Variants in ERC2 observed in about 807,000 individuals in gnomAD.
The protein encoded by ERC2 is ELKS/RAB6-interacting/CAST family member 2.
ERC2 carries 42 observed loss-of-function variants against 114.8 expected under a neutral mutation model. That is an observed-to-expected ratio of 0.37 (90% CI 0.29 to 0.47). ERC2 has a LOEUF of 0.47. ERC2 is among the 20% of genes least tolerant of loss of function. The probability of loss-of-function intolerance (pLI) is 0.99; values close to 1 mark genes in which losing one functional copy is unlikely to be tolerated. For missense variants in ERC2, 939 were observed against 1,150.7 expected (o/e 0.82, Z 2.66); for synonymous variants, 454 against 425.5 (o/e 1.07, Z -0.82).
chr3:55,553,011 ATT>A lies in ERC2; in HGVS notation c.*40-41737_*40-41736del, dbSNP rs66602607. ...GTCGTTATTATTGTGGGGCTTCCAG[ATT>A]TTTTTTTTTTTTTTTTTTTTTTTTT... On this transcript the variant is annotated intron_variant, in intron 17 of 17. Transcript: ENST00000288221. 3.3e-4 allele frequency among the ~76,000 whole-genome samples: 18 copies of A among 55,222 alleles called. No homozygotes were observed. The South Asian group carries it at 3.6e-3, about 11-fold the overall frequency. The allele number at this position is 55,222 out of a possible 152,430, so 36.2% of individuals were successfully genotyped here.
intron 11 of ERC2, among the ~76,000 whole-genome samples, chr3:55,989,271 T>C (rs147652810): frequency 3.6e-4 from 55 of 152,356 alleles, no homozygotes; most frequent in African/African-American, 1.3e-3. Context: ...ATGCATTCCA[T>C]ATTGAAGAAA....
intron 17 of ERC2, among the ~76,000 whole-genome samples, chr3:55,576,628 G>A (rs1260991172): frequency 2.0e-5 from 3 of 152,176 alleles, no homozygotes; most frequent in African/African-American, 4.8e-5. Context: ...CTTTTCCTCT[G>A]AACTCCGAGC....
chr3:55,906,215 G>A (rs2064429024), intron 13 of ERC2, among the ~76,000 whole-genome samples: 1 of 151,816 alleles, frequency 6.6e-6, no homozygotes, highest in Non-Finnish European at 1.5e-5. Context: ...GGTGGCTCAC[G>A]AGGTCAGGAG....
intron 2 of ERC2, among the ~76,000 whole-genome samples, chr3:56,405,362 G>C (rs2060675892): frequency 6.6e-6 from 1 of 152,034 alleles, no homozygotes; most frequent in Non-Finnish European, 1.5e-5. Flanking sequence ...GGGAGGCAGA[G>C]GTTGCGGTGA....
At chr3:56,443,861 G>C (rs1296682679) in intron 1 of ERC2, among the ~76,000 whole-genome samples, 1 of 151,726 alleles carries the variant, frequency 6.6e-6, no homozygotes, top group Non-Finnish European at 1.5e-5. Context: ...TAGGAAAAAA[G>C]GTAGCAGTTA....
chr3:56,305,434 A>ATCTTATTAGTAATCAGAAAAC (rs2056154798), intron 2 of ERC2, among the ~76,000 whole-genome samples: 1 of 151,912 alleles, frequency 6.6e-6, no homozygotes, highest in African/African-American at 2.4e-5. Context: ...AAGATGTTCA[A>ATCTTATTAGTAATCAGAAAAC]TCTTATTAGT....
chr3:56,255,129 C>A (rs2052429906), intron 3 of ERC2, among the ~76,000 whole-genome samples: 1 of 152,212 alleles, frequency 6.6e-6, no homozygotes, highest in Non-Finnish European at 1.5e-5. Flanking sequence ...TTGTTCACAC[C>A]TGTCCCTGAA....
At chr3:55,898,340 G>A (rs961556345) in intron 13 of ERC2, among the ~76,000 whole-genome samples, 5 of 152,108 alleles carry the variant, frequency 3.3e-5, no homozygotes, top group Non-Finnish European at 7.4e-5. Context: ...TCACAGTTCT[G>A]CAGTGTGGCA....
intron 3 of ERC2, among the ~76,000 whole-genome samples, chr3:56,264,334 C>G (rs774579612): frequency 6.6e-5 from 10 of 152,070 alleles, no homozygotes; most frequent in Non-Finnish European, 1.3e-4. Context: ...TGGTGGCTCA[C>G]GCCTGTAATC....
chr3:56,048,223 G>C (rs75590616), intron 7 of ERC2, among the ~76,000 whole-genome samples: 3,540 of 152,218 alleles, frequency 0.023, 62 homozygotes, highest in African/African-American at 0.06. Context: ...AGGAACAGAG[G>C]GGGCAGGAAG....
intron 14 of ERC2, among the ~76,000 whole-genome samples, chr3:55,783,815 C>CTT (rs996501754): frequency 6.6e-6 from 1 of 152,180 alleles, no homozygotes; most frequent in Non-Finnish European, 1.5e-5. Context: ...GGTCCCAACA[C>CTT]TGAAAGCCAA....
At chr3:56,112,042 C>T (rs1188447117) in intron 6 of ERC2, among the ~76,000 whole-genome samples, 1 of 152,214 alleles carries the variant, frequency 6.6e-6, no homozygotes, top group Admixed American at 6.5e-5. Context: ...TTTGAAACAT[C>T]TTAAAACTAA....
intron 3 of ERC2, among the ~76,000 whole-genome samples, chr3:56,251,405 A>C (rs2052143304): frequency 6.6e-6 from 1 of 152,218 alleles, no homozygotes; most frequent in Non-Finnish European, 1.5e-5. Flanking sequence ...ATGGATTGTA[A>C]AATGTTACCA....
chr3:56,149,097 C>T lies in ERC2; in HGVS notation c.1185G>A (p.Arg395=), dbSNP rs1467334951. Residue 395 remains arginine (R), a synonymous_variant, in exon 5 of 18, where the codon AGG becomes AGA. Transcript: ENST00000288221. ...ACATCTGGATCTCATCCTCAAGATC[C>T]CTTATGTTTCGTTCCAATGAAGCGA... The part of the protein sequence containing the change: ...TKIASLERNI[R]DLEDEIQMLK... 6.2e-7 allele frequency: 1 copy of T among 1,611,824 alleles called. No homozygotes were observed. The highest frequency in any genetic ancestry group is 8.5e-7 in the Non-Finnish European group (1 of 1,178,872).
chr3:56,217,634 A>C (rs2049581108), intron 3 of ERC2, among the ~76,000 whole-genome samples: 2 of 152,196 alleles, frequency 1.3e-5, no homozygotes, highest in South Asian at 4.1e-4. Context: ...ATTGGAAAAA[A>C]CTACTTTAAA....
intron 17 of ERC2, among the ~76,000 whole-genome samples, chr3:55,539,444 A>ATTTTTTTTTTTTTTTTTTTTTTTT (rs2054241516): frequency 1.5e-4 from 1 of 6,840 alleles, no homozygotes; most frequent in Non-Finnish European, 3.6e-4. Flanking sequence ...TTTTTTTTTG[A>ATTTTTTTTTTTTTTTTTTTTTTTT]TGGAGTCTTG....
intron 3 of ERC2, among the ~76,000 whole-genome samples, chr3:56,217,022 C>A (rs2049529731): frequency 6.6e-6 from 1 of 152,150 alleles, no homozygotes; most frequent in African/African-American, 2.4e-5. Context: ...ATGGCAAACC[C>A]ACAGCCAATA....
At chr3:55,615,663 A>G (rs375156419) in intron 17 of ERC2, among the ~76,000 whole-genome samples, 2 of 152,248 alleles carry the variant, frequency 1.3e-5, no homozygotes, top group South Asian at 4.1e-4. Flanking sequence ...CCTCATTTGT[A>G]CATAACACAG....
At chr3:55,826,852 G>A (rs922751827) in intron 14 of ERC2, among the ~76,000 whole-genome samples, 1 of 152,200 alleles carries the variant, frequency 6.6e-6, no homozygotes, top group African/African-American at 2.4e-5. Context: ...TCAAATGGAA[G>A]ACTGGCGAGG....
Sources: gnomAD v4.1 joint callset for allele counts (sites outside exome capture counted in the v4.1 genomes callset) on GRCh38, gnomAD v4.1.1 for gene constraint, MANE v1.5 for transcripts, NCBI Gene and HGNC (gene_info 2026-07-23, HGNC 2026-07-21) for gene names.